PPP1R42: variants seen among roughly 807,000 people sequenced by gnomAD.
PPP1R42 encodes the protein leucine rich repeat containing 67.
Under a neutral mutation model 31.0 loss-of-function variants are expected in PPP1R42, and 34 were observed. The observed-to-expected ratio is 1.10, with a 90% CI of 0.83 to 1.46. PPP1R42 has a LOEUF of 1.46. PPP1R42 is among the 40% of genes most tolerant of loss of function. The pLI is 0.00. For synonymous variants in PPP1R42, 103 were observed against 109.8 expected (o/e 0.94, Z 0.39); for missense variants, 268 against 303.0 (o/e 0.88, Z 0.86).
chr8:67,002,276 T>C (rs1815515430), intron 5 of PPP1R42, among the ~76,000 whole-genome samples: 1 of 152,228 alleles, frequency 6.6e-6, no homozygotes, highest in African/African-American at 2.4e-5. Context: ...CTCGGCTCAC[T>C]GCAACCTCTG....
rs1215320146 is a variant in PPP1R42 at position 66,964,179 on chromosome 8, G to A, written c.*142C>T. 2.0e-6 allele frequency: 1 copy of A among 510,536 alleles called. No individual in the cohort carries two copies. Among genetic ancestry groups the A allele is most frequent in the African/African-American group, 2.0e-5 (1 of 50,940 alleles). 31.6% of individuals were successfully genotyped at this position (510,536 alleles called of 1,614,324 possible). A position where few individuals can be genotyped will look rare whatever the true frequency, so the allele number is the denominator to read the frequency against. ...AAGATATTGTTGCCTAGTCATATAA[G>A]GTTAAAAACAAAATCAAACGTTTCC... is the stretch of plus-strand genomic sequence containing the variant. On this transcript the variant is annotated 3_prime_UTR_variant, in exon 8 of 8. Transcript: ENST00000685739.
chr8:66,991,419 G>A (rs1357206170), intron 5 of PPP1R42, among the ~76,000 whole-genome samples: 1 of 152,158 alleles, frequency 6.6e-6, no homozygotes, highest in African/African-American at 2.4e-5. Flanking sequence ...GCAAAGACAT[G>A]TTAACCAAAA....
At chr8:67,001,976 C>T (rs1389849182) in intron 5 of PPP1R42, among the ~76,000 whole-genome samples, 2 of 152,036 alleles carry the variant, frequency 1.3e-5, no homozygotes, top group Non-Finnish European at 2.9e-5. Context: ...CAAAAATTAT[C>T]TCAGGTTTTA....
chr8:66,990,404 C>T (rs1394713972), intron 5 of PPP1R42, among the ~76,000 whole-genome samples: 1 of 152,168 alleles, frequency 6.6e-6, no homozygotes, highest in African/African-American at 2.4e-5. Flanking sequence ...TAAACTAATC[C>T]TGTGCTGAAA....
At chr8:66,984,406 T>G (rs1814939977) in intron 6 of PPP1R42, 1 of 1,313,500 alleles carries the variant, frequency 7.6e-7, no homozygotes, top group East Asian at 2.3e-5. Context: ...ATGCTTCAAT[T>G]TCTTCTGGGT....
chr8:66,964,660 A>T (rs930175287), intron 7 of PPP1R42, among the ~76,000 whole-genome samples: 1 of 152,194 alleles, frequency 6.6e-6, no homozygotes, highest in Non-Finnish European at 1.5e-5. Context: ...TATAATGCAA[A>T]ATAATCATAC....
At chr8:66,984,557 A>G in intron 6 of PPP1R42, 1 of 1,230,730 alleles carries the variant, frequency 8.1e-7, no homozygotes, top group Non-Finnish European at 1.2e-6. Flanking sequence ...CTCAATCTTG[A>G]ACTTCTTGGC....
chr8:66,982,271 A>G (rs1473870899), intron 6 of PPP1R42, 91 bp from the exon 7 acceptor site: 11 of 532,712 alleles, frequency 2.1e-5, no homozygotes. Context: ...ACAGAAACTT[A>G]AGTTACACCA....
intron 7 of PPP1R42, among the ~76,000 whole-genome samples, chr8:66,964,619 G>T: frequency 6.6e-6 from 1 of 151,628 alleles, no homozygotes; most frequent in Non-Finnish European, 1.5e-5. Flanking sequence ...AGGTGTCTGG[G>T]GCTTCTTATA....
intron 5 of PPP1R42, among the ~76,000 whole-genome samples, chr8:66,990,596 C>T (rs1175301326): frequency 1.3e-5 from 2 of 152,202 alleles, no homozygotes; most frequent in African/African-American, 4.8e-5. Flanking sequence ...TACTAAGGAG[C>T]AAATTCTATT....
At chr8:66,996,175 C>T (rs952823298) in intron 5 of PPP1R42, among the ~76,000 whole-genome samples, 2 of 152,152 alleles carry the variant, frequency 1.3e-5, no homozygotes, top group Non-Finnish European at 2.9e-5. Flanking sequence ...CAAAGCCTCC[C>T]GAATGGCTGG....
intron 1 of PPP1R42, among the ~76,000 whole-genome samples, chr8:67,026,642 C>A (rs966401346): frequency 1.3e-5 from 2 of 152,004 alleles, no homozygotes; most frequent in South Asian, 2.1e-4. Context: ...TCGAGACCAG[C>A]CTGAGCAACA....
chr8:67,021,664 A>G (rs1028391621), intron 1 of PPP1R42, among the ~76,000 whole-genome samples: 1 of 152,034 alleles, frequency 6.6e-6, no homozygotes, highest in Non-Finnish European at 1.5e-5. Context: ...ACCCCTCTAT[A>G]CCTTTCTTCC....
intron 1 of PPP1R42, among the ~76,000 whole-genome samples, chr8:67,018,319 T>C (rs985639521): frequency 4.6e-5 from 7 of 151,952 alleles, no homozygotes; most frequent in African/African-American, 1.7e-4. Flanking sequence ...GTTTTCACCA[T>C]ATTGGCCAGG....
chr8:66,976,751 T>C (rs1421889328), intron 7 of PPP1R42, among the ~76,000 whole-genome samples: 1 of 152,190 alleles, frequency 6.6e-6, no homozygotes, highest in Non-Finnish European at 1.5e-5. Flanking sequence ...TTCTTATTTA[T>C]AGTTGAATAG....
chr8:67,000,740 G>A (rs1397218984), intron 5 of PPP1R42, among the ~76,000 whole-genome samples: 1 of 152,216 alleles, frequency 6.6e-6, no homozygotes, highest in East Asian at 1.9e-4. Context: ...TTAGAGGCGT[G>A]AGCCACTGCA....
Position 66,982,108 on chromosome 8 carries a change from G to T in PPP1R42, c.743C>A (p.Ala248Asp). The change falls in exon 7 of 8, where the codon GCC (alanine) becomes GAC (aspartate). Residue 248 changes from alanine (A) to aspartate (D), a missense_variant. Coordinates refer to ENST00000685739, the MANE Select transcript of PPP1R42 (RefSeq NM_001364910.1). ...GCTCCTTTTTTTGCTGATTTTCTTG[G>T]CATCTTTGGATGCTTTCCAATTCAT... ...FLMNWKASKD[A>D]KKISKKRSSK... The T allele has an allele frequency of 1.3e-6, 2 of 1,492,208 alleles. No homozygotes were observed. Among genetic ancestry groups the T allele is most frequent in the South Asian group, 1.3e-5 (1 of 74,592 alleles). 92.4% of individuals were successfully genotyped at this position (1,492,208 alleles called of 1,614,324 possible).
intron 5 of PPP1R42, among the ~76,000 whole-genome samples, chr8:67,003,390 T>C (rs1815567874): frequency 1.9e-3 from 1 of 530 alleles, no homozygotes; most frequent in Admixed American, 0.036. Context: ...TTCATGCTTC[T>C]TTTTTTTTTT....
intron 6 of PPP1R42, among the ~76,000 whole-genome samples, chr8:66,987,068 AT>A (rs1815040424): frequency 6.6e-6 from 1 of 152,082 alleles, no homozygotes; most frequent in Non-Finnish European, 1.5e-5. Flanking sequence ...TTCCAGATCT[AT>A]TTTTATTAAT....
Sources: gnomAD v4.1 joint callset for allele counts (sites outside exome capture counted in the v4.1 genomes callset) on GRCh38, gnomAD v4.1.1 for gene constraint, MANE v1.5 for transcripts, NCBI Gene and HGNC (gene_info 2026-07-23, HGNC 2026-07-21) for gene names.